Variants in OR1J2 observed in about 807,000 individuals in gnomAD.
OR1J2 encodes olfactory receptor family 1 subfamily J member 2.
For synonymous variants in OR1J2, 142 were observed against 99.7 expected (o/e 1.42, Z -2.52); for missense variants, 304 against 246.1 (o/e 1.24, Z -1.57).
the OR1J2 span, among the ~76,000 whole-genome samples, chr9:122,495,984 C>A: frequency 1.3e-5 from 2 of 152,164 alleles, no homozygotes; most frequent in Non-Finnish European, 2.9e-5. Context: ...AGTGGAGCTA[C>A]CAGGCCCTGG....
chr9:122,527,094 A>G, the OR1J2 span: 1 of 1,614,236 alleles, frequency 6.2e-7, no homozygotes, highest in Non-Finnish European at 8.5e-7. Context: ...ACCCATGTCA[A>G]CAAAAGACAG....
At chr9:122,490,499 C>G in the OR1J2 span, among the ~76,000 whole-genome samples, 1 of 152,228 alleles carries the variant, frequency 6.6e-6, no homozygotes. Flanking sequence ...TCCCCTCATG[C>G]GTTTCCCACA....
At chr9:122,468,545 C>G in the OR1J2 span, among the ~76,000 whole-genome samples, 1 of 150,440 alleles carries the variant, frequency 6.6e-6, no homozygotes, top group Non-Finnish European at 1.5e-5. Flanking sequence ...TTTTTTTTCT[C>G]TTTGTCTGTG....
At chr9:122,572,185 C>T in the OR1J2 span, among the ~76,000 whole-genome samples, 2 of 152,088 alleles carry the variant, frequency 1.3e-5, no homozygotes, top group Non-Finnish European at 2.9e-5. Flanking sequence ...ATGAGGGATC[C>T]GTCCCCATGA....
At chr9:122,490,640 G>A in the OR1J2 span, among the ~76,000 whole-genome samples, 1 of 152,262 alleles carries the variant, frequency 6.6e-6, no homozygotes, top group Admixed American at 6.5e-5. Context: ...AATAGGAAAA[G>A]ACCTACAGAA....
the OR1J2 span, chr9:122,578,361 A>G: frequency 2.7e-3 from 408 of 152,076 alleles, 1 homozygote; most frequent in Non-Finnish European, 4.4e-3. Flanking sequence ...AGGCAGGAGA[A>G]TAGCTTGAAC....
chr9:122,510,673 AG>A, upstream of OR1J2: 1 of 605,240 alleles, frequency 1.7e-6, no homozygotes, highest in South Asian at 2.6e-5. Flanking sequence ...GATAGGCCCC[AG>A]TGTGTGTTGT....
chr9:122,492,742 T>C, the OR1J2 span, among the ~76,000 whole-genome samples: 2 of 152,190 alleles, frequency 1.3e-5, no homozygotes, highest in Non-Finnish European at 2.9e-5. Context: ...CTTCTAGTAC[T>C]ATGTTGAATA....
the OR1J2 span, among the ~76,000 whole-genome samples, chr9:122,497,309 A>G: frequency 6.6e-6 from 1 of 152,190 alleles, no homozygotes; most frequent in African/African-American, 2.4e-5. Flanking sequence ...TCAGAGTGGG[A>G]GCTGCAAGTT....
the OR1J2 span, chr9:122,477,075 C>T: frequency 1.2e-6 from 2 of 1,614,066 alleles, no homozygotes; most frequent in East Asian, 4.5e-5. Context: ...ATGGGTTCAA[C>T]ATGGGAGTGA....
the OR1J2 span, among the ~76,000 whole-genome samples, chr9:122,540,420 AG>A: frequency 1.3e-5 from 2 of 152,238 alleles, no homozygotes; most frequent in African/African-American, 4.8e-5. Flanking sequence ...AAGATCAGAT[AG>A]TTGTAGATAT....
At chr9:122,570,220 G>GT in the OR1J2 span, among the ~76,000 whole-genome samples, 1 of 150,806 alleles carries the variant, frequency 6.6e-6, no homozygotes, top group Non-Finnish European at 1.5e-5. Flanking sequence ...GGGTCAAATG[G>GT]TATTTCTAGT....
chr9:122,520,091 C>G, the OR1J2 span: 1 of 1,593,494 alleles, frequency 6.3e-7, no homozygotes, highest in Middle Eastern at 1.7e-4. Context: ...GACATTTACT[C>G]TTCTTTATAA....
the OR1J2 span, among the ~76,000 whole-genome samples, chr9:122,522,750 G>A: frequency 6.6e-6 from 1 of 152,216 alleles, no homozygotes; most frequent in Non-Finnish European, 1.5e-5. Context: ...GCCAGGCAGT[G>A]TGCCTATTCT....
chr9:122,546,651 A>G, the OR1J2 span, among the ~76,000 whole-genome samples: 6 of 152,324 alleles, frequency 3.9e-5, no homozygotes, highest in East Asian at 1.2e-3. Context: ...CACAATATAA[A>G]TGGCAGGTAA....
chr9:122,485,323 A>C, the OR1J2 span, among the ~76,000 whole-genome samples: 6 of 152,210 alleles, frequency 3.9e-5, no homozygotes, highest in Admixed American at 2.0e-4. Context: ...CTAGTTTGTT[A>C]CTTAGTCTTA....
chr9:122,487,640 G>C, the OR1J2 span, among the ~76,000 whole-genome samples: 1 of 152,188 alleles, frequency 6.6e-6, no homozygotes, highest in Non-Finnish European at 1.5e-5. Flanking sequence ...GCTCAACCCT[G>C]AAGTGGAGAA....
the OR1J2 span, among the ~76,000 whole-genome samples, chr9:122,569,859 G>T: frequency 6.6e-6 from 1 of 151,076 alleles, no homozygotes; most frequent in Non-Finnish European, 1.5e-5. Context: ...TCCCCAGAGT[G>T]TGATGTTCCC....
chr9:122,483,371 G>A, the OR1J2 span, among the ~76,000 whole-genome samples: 2 of 152,060 alleles, frequency 1.3e-5, no homozygotes, highest in Non-Finnish European at 2.9e-5. Flanking sequence ...CCAATAACTA[G>A]ATAAACAGAA....
Sources: allele counts gnomAD v4.1 joint callset (sites outside exome capture counted in the v4.1 genomes callset), GRCh38; gene constraint gnomAD v4.1.1; transcripts MANE v1.5; gene names NCBI Gene and HGNC (gene_info 2026-07-23, HGNC 2026-07-21).